Variants in KIF26B observed in about 807,000 individuals in gnomAD.
The protein encoded by KIF26B is kinesin family member 26B, also known as kinesin-like protein KIF26B.
Under a neutral mutation model 151.2 loss-of-function variants are expected in KIF26B, and 63 were observed. The observed-to-expected ratio is 0.42, with a 90% CI of 0.34 to 0.51. The LOEUF is 0.51. KIF26B is among the 20% of genes least tolerant of loss of function. The pLI is 0.07. For synonymous variants in KIF26B, 1,357 were observed against 1,262.1 expected, an observed-to-expected ratio of 1.08 and a Z score of -1.59; for missense variants, 2,813 against 2,913.6, an observed-to-expected ratio of 0.97 and a Z score of 0.79.
intron 2 of KIF26B, among the ~76,000 whole-genome samples, chr1:245,261,617 C>T (rs546864768): frequency 3.3e-4 from 49 of 148,374 alleles, no homozygotes; most frequent in African/African-American, 1.2e-3. Context: ...CAGGGTCTAG[C>T]TGTGTTGCCC....
chr1:245,171,609 T>G (rs534673909), intron 2 of KIF26B, among the ~76,000 whole-genome samples: 2 of 152,342 alleles, frequency 1.3e-5, no homozygotes, highest in East Asian at 3.9e-4. Context: ...AGGCCATTAG[T>G]TTTTAACACT....
chr1:245,584,467 T>A (rs927326909), intron 5 of KIF26B, among the ~76,000 whole-genome samples: 1 of 152,194 alleles, frequency 6.6e-6, no homozygotes, highest in African/African-American at 2.4e-5. Context: ...TAGAAATTGT[T>A]GAATGGAAGT....
At chr1:245,605,308 G>T (rs1182093437) in intron 6 of KIF26B, among the ~76,000 whole-genome samples, 5 of 152,288 alleles carry the variant, frequency 3.3e-5, no homozygotes, top group Non-Finnish European at 7.3e-5. Flanking sequence ...GGCAAACTCA[G>T]CCCCACAGGG....
At chr1:245,550,914 G>C (rs982994408) in intron 5 of KIF26B, among the ~76,000 whole-genome samples, 2 of 152,174 alleles carry the variant, frequency 1.3e-5, no homozygotes, top group Non-Finnish European at 2.9e-5. Context: ...TCCTTCTGCA[G>C]CCTGGCCATG....
chr1:245,469,656 G>A (rs1572077938), intron 4 of KIF26B, among the ~76,000 whole-genome samples: 2 of 152,186 alleles, frequency 1.3e-5, no homozygotes, highest in East Asian at 3.9e-4. Context: ...TCTTCAAGTG[G>A]CTTTTGTATC....
Position 245,392,062 on chromosome 1 carries a change from G to GAA in KIF26B, c.999+24707_999+24708dup, listed in dbSNP as rs34473498. ...AAATACATAGAAAACAAAGCAAATT[G>GAA]AAAAAAAAAAAAAGATAAAAAAATT... On this transcript the variant is annotated intron_variant, in intron 3 of 14. Transcript: ENST00000407071. Among the ~76,000 whole-genome samples the GAA allele has an allele frequency of 3.7e-5, 5 of 135,908 alleles. No individual in the cohort carries two copies. In the South Asian group the frequency reaches 6.9e-4, roughly 19 times the overall value. The allele number at this position is 135,908 out of a possible 152,430, so 89.2% of individuals were successfully genotyped here. A position where few individuals can be genotyped will look rare whatever the true frequency, so the allele number is the denominator to read the frequency against.
chr1:245,230,986 CA>C (rs550436203), intron 2 of KIF26B, among the ~76,000 whole-genome samples: 3 of 148,432 alleles, frequency 2.0e-5, no homozygotes, highest in Admixed American at 1.3e-4. Flanking sequence ...AGGAAAAAGA[CA>C]AAAAAAAATC....
chr1:245,605,575 G>T (rs1448927347), intron 6 of KIF26B, among the ~76,000 whole-genome samples: 1 of 152,162 alleles, frequency 6.6e-6, no homozygotes, highest in Non-Finnish European at 1.5e-5. Flanking sequence ...GCCCCTGTTG[G>T]GACACGTCTC....
At chr1:245,398,875 C>T (rs919480886) in intron 3 of KIF26B, among the ~76,000 whole-genome samples, 3 of 151,864 alleles carry the variant, frequency 2.0e-5, no homozygotes, top group Admixed American at 6.6e-5. Flanking sequence ...CACTGTACTC[C>T]GTTAGCAATT....
intron 12 of KIF26B, among the ~76,000 whole-genome samples, chr1:245,689,664 T>C (rs1037447481): frequency 9.2e-5 from 14 of 152,192 alleles, no homozygotes; most frequent in Admixed American, 3.3e-4. Flanking sequence ...TTCAAGTGAT[T>C]CTCCTGCTTC....
In KIF26B at chr1:245,488,011, C is replaced by A. The variant is rs1001569957; in HGVS notation, c.1167-52756C>A. On this transcript the variant is annotated intron_variant, in intron 4 of 14. Coordinates refer to ENST00000407071, the MANE Select transcript of KIF26B (RefSeq NM_018012.4). The surrounding 1 kb of genome is among the most constrained non-coding windows in gnomAD (Gnocchi z 4.6). ...CCAAGTCGGCCACGTTGGTCTCGAACTTCTGACCTCAGGTGATCCACCCAC... is the reference window on the plus strand; with the variant it reads ...CCAAGTCGGCCACGTTGGTCTCGAAATTCTGACCTCAGGTGATCCACCCAC... Among the ~76,000 whole-genome samples the A allele has an allele frequency of 4.6e-5, 7 of 152,224 alleles. No homozygotes were observed. The highest frequency in any genetic ancestry group is 1.7e-4 in the African/African-American group (7 of 41,520).
chr1:245,260,206 A>G (rs1014024005), intron 2 of KIF26B, among the ~76,000 whole-genome samples: 3 of 152,108 alleles, frequency 2.0e-5, no homozygotes, highest in Admixed American at 6.6e-5. Context: ...TTCATTTCCC[A>G]TAGGCTTCGG....
chr1:245,410,138 C>G (rs1255900887), intron 3 of KIF26B, among the ~76,000 whole-genome samples: 2 of 152,206 alleles, frequency 1.3e-5, no homozygotes, highest in African/African-American at 4.8e-5. Context: ...TGCCCATCTC[C>G]TCCCTCTTCT....
At position 245,687,749 on chromosome 1, in the gene KIF26B, T is replaced by C. The variant is rs778188422; in HGVS notation, c.4766T>C (p.Leu1589Pro). The C allele has an allele frequency of 1.1e-5, 18 of 1,578,440 alleles. No homozygotes were observed. The highest frequency in any genetic ancestry group is 1.5e-5 in the Non-Finnish European group (18 of 1,162,572). The change falls in exon 12 of 15, where the codon CTG (leucine) becomes CCG (proline). Residue 1589 changes from leucine to proline, a missense_variant. Around this residue, in one of 3 missense-constraint regions of KIF26B, gnomAD observed 2,060 missense variants for 2,088.6 expected, o/e 0.99. Transcript: ENST00000407071. The surrounding 1 kb of genome is among the most constrained non-coding windows in gnomAD (Gnocchi z 4.9). Reference sequence around the variant, plus strand: ...GTGGCTTCCCCCAAGCACTGTGTTCTGGCTCGGCCCAAAGGGACTCCCCCT... The same window carrying C: ...GTGGCTTCCCCCAAGCACTGTGTTCCGGCTCGGCCCAAAGGGACTCCCCCT... ...GKVASPKHCVLARPKGTPPLP... is the reference protein window; with the variant it reads ...GKVASPKHCVPARPKGTPPLP...
intron 3 of KIF26B, among the ~76,000 whole-genome samples, chr1:245,413,448 G>A (rs1674335709): frequency 6.6e-6 from 1 of 152,124 alleles, no homozygotes; most frequent in South Asian, 2.1e-4. Flanking sequence ...GGATCACAAG[G>A]TCAGGAGTTT....
rs543491605 is a variant in KIF26B at position 245,227,822 on chromosome 1, G to A, written c.465+71139G>A. 4.7e-4 allele frequency among the ~76,000 whole-genome samples: 72 copies of A among 152,132 alleles called. No homozygotes were observed. Among genetic ancestry groups the A allele is most frequent in the Non-Finnish European group, 7.8e-4 (53 of 67,996 alleles). On this transcript the variant is annotated intron_variant, in intron 2 of 14. Coordinates refer to ENST00000407071, the MANE Select transcript of KIF26B (RefSeq NM_018012.4). This position sits in a 1 kb window ranked among gnomAD's most constrained non-coding sequence, Gnocchi z 4.1. ...TTGAGACCAGCCTGGCCAACATGGT[G>A]GAACCCCATCTCTACTAAAAATACA...
intron 2 of KIF26B, among the ~76,000 whole-genome samples, chr1:245,172,221 G>C (rs886391611): frequency 2.6e-5 from 4 of 152,112 alleles, no homozygotes; most frequent in African/African-American, 9.7e-5. Context: ...TCTGGTGGGG[G>C]GGGTGGGTAC....
chr1:245,476,520 T>G (rs1660042984), intron 4 of KIF26B, among the ~76,000 whole-genome samples: 1 of 131,424 alleles, frequency 7.6e-6, no homozygotes, highest in African/African-American at 2.7e-5. Flanking sequence ...ATTTATTTAT[T>G]TATTTATTTA....
chr1:245,260,345 G>A (rs1408919237), intron 2 of KIF26B, among the ~76,000 whole-genome samples: 1 of 152,160 alleles, frequency 6.6e-6, no homozygotes, highest in Non-Finnish European at 1.5e-5. Flanking sequence ...TATGGAGTGT[G>A]GCCAGCACCC....
Sources: gnomAD v4.1 joint callset for allele counts (sites outside exome capture counted in the v4.1 genomes callset) on GRCh38, gnomAD v4.1.1 for gene constraint, gnomAD v4.1.1 regional missense constraint, Gnocchi (gnomAD v3.1) non-coding constraint, MANE v1.5 for transcripts, NCBI Gene and HGNC (gene_info 2026-07-23, HGNC 2026-07-21) for gene names.